Variants in A1CF observed in about 807,000 individuals in gnomAD.
A1CF encodes APOBEC-1 stimulating protein.
Under a neutral mutation model 68.9 loss-of-function variants are expected in A1CF, and 48 were observed. That is an observed-to-expected ratio of 0.70 (90% CI 0.55 to 0.89). A1CF has a LOEUF of 0.89. Ranked by LOEUF, A1CF falls within the 40% of genes least tolerant of loss-of-function variation. The pLI is 0.00. For missense variants in A1CF, 653 were observed against 718.9 expected, an observed-to-expected ratio of 0.91 and a Z score of 1.05; for synonymous variants, 272 against 260.4, an observed-to-expected ratio of 1.04 and a Z score of -0.43.
At chr10:50,876,517 A>G (rs2132609266) in intron 1 of A1CF, among the ~76,000 whole-genome samples, 1 of 152,318 alleles carries the variant, frequency 6.6e-6, no homozygotes, top group African/African-American at 2.4e-5. Flanking sequence ...TCAATTGAAA[A>G]CCTGAATAAA....
At chr10:50,851,464 C>G (rs1840236395) in intron 3 of A1CF, among the ~76,000 whole-genome samples, 1 of 152,138 alleles carries the variant, frequency 6.6e-6, no homozygotes, top group Non-Finnish European at 1.5e-5. Context: ...TGCATTGATT[C>G]ACTTTGTTAC....
intron 11 of A1CF, among the ~76,000 whole-genome samples, chr10:50,810,610 G>T (rs1301367867): frequency 3.3e-5 from 5 of 152,064 alleles, no homozygotes; most frequent in Admixed American, 1.3e-4. Flanking sequence ...GAGTAACTAT[G>T]ACTACAGGCG....
At chr10:50,829,967 G>T (rs530024828) in intron 6 of A1CF, among the ~76,000 whole-genome samples, 6 of 152,226 alleles carry the variant, frequency 3.9e-5, no homozygotes, top group Non-Finnish European at 8.8e-5. Context: ...ACAACATGAT[G>T]TTTTGATACA....
At chr10:50,839,555 C>T (rs1839676031) in intron 5 of A1CF, among the ~76,000 whole-genome samples, 1 of 152,226 alleles carries the variant, frequency 6.6e-6, no homozygotes, top group Non-Finnish European at 1.5e-5. Context: ...GACCCCAGAT[C>T]TCCTGATTCC....
At chr10:50,835,521 A>G (rs1204506501) in intron 6 of A1CF, among the ~76,000 whole-genome samples, 4 of 152,188 alleles carry the variant, frequency 2.6e-5, no homozygotes, top group Non-Finnish European at 5.9e-5. Context: ...AGAGAATTTG[A>G]TAGTTATTCA....
intron 1 of A1CF, among the ~76,000 whole-genome samples, chr10:50,881,967 C>A (rs139879351): frequency 5.3e-5 from 8 of 152,250 alleles, no homozygotes; most frequent in African/African-American, 1.7e-4. Flanking sequence ...GGATAAAAAT[C>A]TTAGCTTACA....
At position 50,841,932 on chromosome 10, in the gene A1CF, C is replaced by A; in HGVS notation, c.295G>T (p.Ala99Ser). The part of the protein sequence containing the change: ...MDFNGNNRGY[A>S]FVTFSNKVEA... ...ACTTTATTTGAAAATGTTACAAATGCATATCCTCTATTGTTGCCATTAAAA... is the reference window on the plus strand; with the variant it reads ...ACTTTATTTGAAAATGTTACAAATGAATATCCTCTATTGTTGCCATTAAAA... The change falls in exon 5 of 13, where the codon GCA (alanine) becomes TCA (serine). Residue 99 changes from alanine to serine, a missense_variant. Ala to Ser is a moderately conservative substitution (Grantham distance 99). Coordinates refer to ENST00000373997, the MANE Select transcript of A1CF (RefSeq NM_014576.4). 6.2e-7 allele frequency: 1 copy of A among 1,611,646 alleles called. No individual in the cohort carries two copies. The highest frequency in any genetic ancestry group is 1.3e-5 in the African/African-American group (1 of 74,994).
chr10:50,802,551 T>C lies in A1CF; in HGVS notation c.*4178A>G, dbSNP rs1450694632. 1 of 152,202 alleles carries C rather than the reference T, an allele frequency of 6.6e-6. No homozygotes were observed. The highest frequency in any genetic ancestry group is 1.5e-5 in the Non-Finnish European group (1 of 68,034). 9.4% of individuals were successfully genotyped at this position (152,202 alleles called of 1,614,324 possible). A position where few individuals can be genotyped will look rare whatever the true frequency, so the allele number is the denominator to read the frequency against. On this transcript the variant is annotated 3_prime_UTR_variant, in exon 13 of 13. Transcript: ENST00000373997. ...TACATAAAAAGTGCCAAGTTTCTAG[T>C]CTAATTTTTAGATATATTTTCTTCC...
chr10:50,842,009 T>C lies in A1CF; in HGVS notation c.235-17A>G, dbSNP rs373371450. 9 of 1,594,668 alleles carry C rather than the reference T, an allele frequency of 5.6e-6. No homozygotes were observed. Among genetic ancestry groups the C allele is most frequent in the Admixed American group, 3.4e-5 (2 of 59,372 alleles). On this transcript the variant is annotated splice_polypyrimidine_tract_variant and intron_variant, in intron 4 of 12. Coordinates refer to ENST00000373997, the MANE Select transcript of A1CF (RefSeq NM_014576.4). Reference sequence around the variant, plus strand: ...TTTACCGATCTGCAAGTAATAGAAATAGAACATTTATATTTATACGTTTGT... The same window carrying C: ...TTTACCGATCTGCAAGTAATAGAAACAGAACATTTATATTTATACGTTTGT...
At chr10:50,850,742 T>C (rs781673406) in intron 3 of A1CF, 1 of 1,614,178 alleles carries the variant, frequency 6.2e-7, no homozygotes, top group South Asian at 1.1e-5. Flanking sequence ...GCTGTGCTCA[T>C]GCTCGCTTCT....
intron 5 of A1CF, among the ~76,000 whole-genome samples, chr10:50,840,367 A>G (rs1839720373): frequency 6.6e-6 from 1 of 152,158 alleles, no homozygotes; most frequent in Admixed American, 6.5e-5. Context: ...AACCTATGAA[A>G]TAGATGGTAT....
At chr10:50,884,925 T>G (rs1192583791) in intron 1 of A1CF, among the ~76,000 whole-genome samples, 1 of 152,192 alleles carries the variant, frequency 6.6e-6, no homozygotes, top group Non-Finnish European at 1.5e-5. Context: ...TTGCCCAAAT[T>G]GTGGAAACAA....
chr10:50,872,636 G>T (rs1220267408), intron 1 of A1CF, among the ~76,000 whole-genome samples: 1 of 152,134 alleles, frequency 6.6e-6, no homozygotes, highest in Non-Finnish European at 1.5e-5. Context: ...CTTCCATAGG[G>T]ACACATGGTC....
Position 50,800,508 on chromosome 10 carries a change from T to A in A1CF, c.*6221A>T, listed in dbSNP as rs202159488. 1 of 152,136 alleles carries A rather than the reference T, an allele frequency of 6.6e-6. No individual in the cohort carries two copies. The highest frequency in any genetic ancestry group is 1.5e-5 in the Non-Finnish European group (1 of 68,008). 9.4% of individuals were successfully genotyped at this position (152,136 alleles called of 1,614,324 possible). A position where few individuals can be genotyped will look rare whatever the true frequency, so the allele number is the denominator to read the frequency against. ...TGCAATTATATTCAATTTTGAAAAA[T>A]GCAGAATGGACCATGGGACTGTGTG... is the stretch of plus-strand genomic sequence containing the variant. On this transcript the variant is annotated 3_prime_UTR_variant, in exon 13 of 13. Transcript: ENST00000373997.
In A1CF at chr10:50,849,920, A is replaced by G. The variant is rs193132896; in HGVS notation, c.100-5798T>C. ...GCTATTCTCCTGCCTCTGCCTCCCC[A>G]GTAGCTGAGACTACAGGCGCCTGCA... On this transcript the variant is annotated intron_variant, in intron 3 of 12. Transcript: ENST00000373997. Among the ~76,000 whole-genome samples the G allele has an allele frequency of 2.3e-3, 330 of 145,046 alleles. 2 individuals carry two copies. The highest frequency in any genetic ancestry group is 3.7e-3 in the Non-Finnish European group (245 of 66,938).
intron 3 of A1CF, among the ~76,000 whole-genome samples, chr10:50,856,981 G>C (rs1365019621): frequency 6.6e-6 from 1 of 151,904 alleles, no homozygotes; most frequent in African/African-American, 2.4e-5. Context: ...CCTTACAATG[G>C]AGCAAAATTT....
intron 3 of A1CF, among the ~76,000 whole-genome samples, chr10:50,858,495 C>T (rs1354467930): frequency 4.6e-5 from 7 of 151,256 alleles, no homozygotes. Context: ...CTAATGTCAC[C>T]CTTGACAGAT....
At chr10:50,813,418 G>T (rs1838215794) in intron 10 of A1CF, among the ~76,000 whole-genome samples, 1 of 152,116 alleles carries the variant, frequency 6.6e-6, no homozygotes, top group African/African-American at 2.4e-5. Context: ...CAGATATCAT[G>T]GTGGAGTTTT....
intron 3 of A1CF, among the ~76,000 whole-genome samples, chr10:50,858,309 G>A (rs887987950): frequency 6.7e-6 from 1 of 150,062 alleles, no homozygotes; most frequent in Non-Finnish European, 1.5e-5. Context: ...TGAATTTCAT[G>A]TGGGGGGAAA....
Sources: allele counts gnomAD v4.1 joint callset (sites outside exome capture counted in the v4.1 genomes callset), GRCh38; gene constraint gnomAD v4.1.1; transcripts MANE v1.5; gene names NCBI Gene and HGNC (gene_info 2026-07-23, HGNC 2026-07-21).